The following MMP16 variants were observed in gnomAD, a reference collection of about 807,000 sequenced individuals.
MMP16 encodes the protein matrix metallopeptidase 16.
In MMP16, 12 loss-of-function variants were observed where a neutral mutation model predicts 67.8. The ratio of observed to expected loss-of-function variants is 0.18; its 90% CI spans 0.11 to 0.29. The LOEUF is 0.29. Among genes scored for constraint, MMP16 ranks in the 10% least tolerant of loss-of-function variants. The pLI, the probability that MMP16 is intolerant of heterozygous loss-of-function variation, is 1.00. For missense variants in MMP16, 475 were observed against 765.7 expected (o/e 0.62, Z 4.48); for synonymous variants, 249 against 255.9 (o/e 0.97, Z 0.26).
chr8:88,243,248 T>C (rs1329217736), intron 1 of MMP16, among the ~76,000 whole-genome samples: 2 of 152,166 alleles, frequency 1.3e-5, no homozygotes, highest in African/African-American at 4.8e-5. Context: ...TGCTGAAGCA[T>C]AGTATTTGGA....
intron 3 of MMP16, among the ~76,000 whole-genome samples, chr8:88,171,075 G>T (rs1393852640): frequency 6.6e-6 from 1 of 152,118 alleles, no homozygotes; most frequent in Non-Finnish European, 1.5e-5. Context: ...TGAAATCATG[G>T]TAGTATGATT....
intron 6 of MMP16, among the ~76,000 whole-genome samples, chr8:88,106,190 C>T (rs905513257): frequency 6.6e-6 from 1 of 150,978 alleles, no homozygotes; most frequent in Non-Finnish European, 1.5e-5. Context: ...TCTTGTATCC[C>T]TTTTAGGGAT....
intron 4 of MMP16, among the ~76,000 whole-genome samples, chr8:88,157,465 T>A (rs1415069823): frequency 6.6e-6 from 1 of 151,772 alleles, no homozygotes; most frequent in East Asian, 2.0e-4. Flanking sequence ...GGCATATAAA[T>A]CCCTTACATG....
At chr8:88,100,066 C>T (rs892739862) in intron 6 of MMP16, among the ~76,000 whole-genome samples, 2 of 151,772 alleles carry the variant, frequency 1.3e-5, no homozygotes, top group Admixed American at 6.6e-5. Flanking sequence ...GTAGTTTCTT[C>T]TGCTGTGCAG....
At chr8:88,150,738 G>T (rs1244498327) in intron 4 of MMP16, among the ~76,000 whole-genome samples, 32 of 149,038 alleles carry the variant, frequency 2.1e-4, no homozygotes, top group Non-Finnish European at 4.3e-4. Context: ...GGAACAACCG[G>T]TACCAGCCGC....
chr8:88,299,976 A>T (rs905049679), intron 1 of MMP16, among the ~76,000 whole-genome samples: 1 of 152,218 alleles, frequency 6.6e-6, no homozygotes, highest in African/African-American at 2.4e-5. Context: ...ATGCATATTC[A>T]TATTACTTAT....
intron 6 of MMP16, among the ~76,000 whole-genome samples, chr8:88,094,186 T>A (rs1328078152): frequency 6.6e-6 from 1 of 151,846 alleles, no homozygotes; most frequent in Non-Finnish European, 1.5e-5. Context: ...TTTCCAAACA[T>A]GCTTTAGCCC....
At chr8:88,050,196 G>A (rs1354673027) in intron 8 of MMP16, among the ~76,000 whole-genome samples, 3 of 151,920 alleles carry the variant, frequency 2.0e-5, no homozygotes, top group Non-Finnish European at 4.4e-5. Flanking sequence ...GGTGGCAGTC[G>A]CCTGTAATCC....
chr8:88,241,081 G>GT (rs569535346), intron 1 of MMP16, among the ~76,000 whole-genome samples: 1,947 of 139,386 alleles, frequency 0.014, 42 homozygotes, highest in African/African-American at 0.041. Flanking sequence ...GTTTTGTTTT[G>GT]TTTTTTTTTT....
chr8:88,109,610 G>GA (rs1809300253), intron 6 of MMP16, among the ~76,000 whole-genome samples: 1 of 151,158 alleles, frequency 6.6e-6, no homozygotes, highest in African/African-American at 2.4e-5. Flanking sequence ...AAATTTGAAA[G>GA]AAAAAATCAG....
At chr8:88,091,981 AT>A (rs1357260071) in intron 6 of MMP16, among the ~76,000 whole-genome samples, 1 of 151,732 alleles carries the variant, frequency 6.6e-6, no homozygotes, top group Non-Finnish European at 1.5e-5. Flanking sequence ...CAATGTTATG[AT>A]TTTTTTCTCA....
At position 88,257,778 on chromosome 8, in the gene MMP16, C is replaced by G. The variant is rs979370225; in HGVS notation, c.133-60472G>C. On this transcript the variant is annotated intron_variant, in intron 1 of 9. Coordinates refer to ENST00000286614, the MANE Select transcript of MMP16 (RefSeq NM_005941.5). ...TTATAAACATGAACAGAGCACTTAC[C>G]TTATGGGTTATACTAGACCTCACTA... is the stretch of plus-strand genomic sequence containing the variant. 3.3e-5 allele frequency among the ~76,000 whole-genome samples: 5 copies of G among 151,992 alleles called. No individual in the cohort carries two copies. In the South Asian group the frequency reaches 1.0e-3, roughly 31 times the overall value.
rs7817991 is a variant in MMP16 at position 88,229,266 on chromosome 8, C to T, written c.133-31960G>A. 6.3e-3 allele frequency among the ~76,000 whole-genome samples: 957 copies of T among 152,188 alleles called. 13 individuals are homozygous for T. Among genetic ancestry groups the T allele is most frequent in the African/African-American group, 0.022 (900 of 41,536 alleles). ...ATATACGTGTATATATAACTCTTTT[C>T]ATATTAATGTAACTATTTTCCTATT... On this transcript the variant is annotated intron_variant, in intron 1 of 9. Coordinates refer to ENST00000286614, the MANE Select transcript of MMP16 (RefSeq NM_005941.5).
intron 1 of MMP16, among the ~76,000 whole-genome samples, chr8:88,205,457 T>C (rs1414839376): frequency 6.6e-6 from 1 of 152,196 alleles, no homozygotes. Context: ...GAAAGGGCAC[T>C]GAGCTGTGGC....
chr8:88,141,880 T>C (rs931678054), intron 4 of MMP16, among the ~76,000 whole-genome samples: 1 of 151,856 alleles, frequency 6.6e-6, no homozygotes, highest in Non-Finnish European at 1.5e-5. Context: ...TCTAAAGAAA[T>C]AGCTAGAGTG....
intron 6 of MMP16, among the ~76,000 whole-genome samples, chr8:88,085,209 A>G (rs966934949): frequency 6.6e-6 from 1 of 152,038 alleles, no homozygotes; most frequent in Non-Finnish European, 1.5e-5. Context: ...TACTTTTTCA[A>G]CATTGGAAAA....
chr8:88,279,146 T>C (rs1328559185), intron 1 of MMP16, among the ~76,000 whole-genome samples: 6 of 150,196 alleles, frequency 4.0e-5, no homozygotes, highest in Non-Finnish European at 8.9e-5. Context: ...CACTTGAACC[T>C]GGGAAGTGGA....
intron 8 of MMP16, among the ~76,000 whole-genome samples, chr8:88,055,483 C>G (rs1808320490): frequency 1.3e-5 from 2 of 152,210 alleles, no homozygotes; most frequent in Non-Finnish European, 2.9e-5. Context: ...GCTGGGATTA[C>G]AGGCATGAGC....
intron 8 of MMP16, among the ~76,000 whole-genome samples, chr8:88,052,563 T>C (rs538803050): frequency 1.2e-4 from 19 of 152,264 alleles, no homozygotes; most frequent in African/African-American, 4.3e-4. Context: ...CATGTCACTT[T>C]CCTGTTGAAA....
Sources: allele counts gnomAD v4.1 joint callset (sites outside exome capture counted in the v4.1 genomes callset), GRCh38; gene constraint gnomAD v4.1.1; transcripts MANE v1.5; gene names NCBI Gene and HGNC (gene_info 2026-07-23, HGNC 2026-07-21).